Variants in SYNPR observed in about 807,000 individuals in gnomAD.
The protein encoded by SYNPR is synaptoporin.
In SYNPR, 23 loss-of-function variants were observed where a neutral mutation model predicts 32.9. The observed-to-expected ratio is 0.70, with a 90% CI of 0.50 to 0.99. SYNPR has a LOEUF of 0.99. SYNPR is among the 50% of genes least tolerant of loss of function. The pLI, the probability that SYNPR is intolerant of heterozygous loss-of-function variation, is 0.00. For missense variants in SYNPR, 318 were observed against 349.3 expected (o/e 0.91, Z 0.71); for synonymous variants, 146 against 135.9 (o/e 1.07, Z -0.52).
chr3:63,260,352 G>T (rs1352255165), intron 2 of SYNPR, among the ~76,000 whole-genome samples: 5 of 152,118 alleles, frequency 3.3e-5, no homozygotes, highest in Admixed American at 3.3e-4. Context: ...AAAACAGCAT[G>T]GTACTGGTAC....
intron 1 of SYNPR, among the ~76,000 whole-genome samples, chr3:63,234,914 T>C (rs548798556): frequency 2.0e-5 from 3 of 152,220 alleles, no homozygotes; most frequent in Non-Finnish European, 4.4e-5. Flanking sequence ...GGGATAAGTA[T>C]AGATTCATGT....
chr3:63,379,291 G>A (rs1181313744), intron 2 of SYNPR, among the ~76,000 whole-genome samples: 1 of 152,058 alleles, frequency 6.6e-6, no homozygotes, highest in Non-Finnish European at 1.5e-5. Flanking sequence ...TATGTATTCT[G>A]CTGTCGTTTG....
intron 3 of SYNPR, among the ~76,000 whole-genome samples, chr3:63,501,746 C>T (rs1222092446): frequency 2.6e-5 from 4 of 152,054 alleles, no homozygotes; most frequent in African/African-American, 7.2e-5. Flanking sequence ...TCATAATTGA[C>T]TACATTGTTA....
At chr3:63,239,709 T>C (rs1023335967) in intron 1 of SYNPR, among the ~76,000 whole-genome samples, 6 of 151,792 alleles carry the variant, frequency 4.0e-5, no homozygotes, top group African/African-American at 1.2e-4. Flanking sequence ...AAATGTGTTA[T>C]GCCCCCAACC....
intron 3 of SYNPR, among the ~76,000 whole-genome samples, chr3:63,512,026 G>T (rs1272229301): frequency 1.3e-5 from 2 of 150,634 alleles, no homozygotes; most frequent in Non-Finnish European, 3.0e-5. Context: ...GAACATATCT[G>T]ATTACTGACA....
At chr3:63,341,226 T>C (rs1391022760) in intron 2 of SYNPR, among the ~76,000 whole-genome samples, 3 of 152,260 alleles carry the variant, frequency 2.0e-5, no homozygotes, top group African/African-American at 7.2e-5. Flanking sequence ...GCTCATTTAT[T>C]TTTTATTACT....
At chr3:63,347,585 T>C (rs1468943758) in intron 2 of SYNPR, among the ~76,000 whole-genome samples, 1 of 152,210 alleles carries the variant, frequency 6.6e-6, no homozygotes, top group Non-Finnish European at 1.5e-5. Flanking sequence ...ATTACCTGGA[T>C]AGTGTACATT....
intron 4 of SYNPR, among the ~76,000 whole-genome samples, chr3:63,563,270 T>G (rs901961816): frequency 5.9e-5 from 9 of 152,166 alleles, no homozygotes; most frequent in African/African-American, 2.2e-4. Flanking sequence ...GTTTCTTGAA[T>G]CCCACTCCAT....
chr3:63,595,750 T>G (rs1335575708), intron 4 of SYNPR, among the ~76,000 whole-genome samples: 2 of 45,132 alleles, frequency 4.4e-5, no homozygotes, highest in Admixed American at 3.3e-4. Flanking sequence ...TATATATATA[T>G]ATATATATAT....
intron 2 of SYNPR, among the ~76,000 whole-genome samples, chr3:63,299,187 T>A (rs1272852192): frequency 6.6e-6 from 1 of 152,072 alleles, no homozygotes; most frequent in Non-Finnish European, 1.5e-5. Flanking sequence ...TGGAAAGAAT[T>A]GGAGTTATCA....
chr3:63,241,844 A>G (rs574610456), intron 1 of SYNPR, among the ~76,000 whole-genome samples: 3 of 152,198 alleles, frequency 2.0e-5, no homozygotes, highest in African/African-American at 7.2e-5. Flanking sequence ...AAAGCATACC[A>G]AGAGAATCAA....
At chr3:63,567,079 T>A (rs1702802288) in intron 4 of SYNPR, among the ~76,000 whole-genome samples, 1 of 152,140 alleles carries the variant, frequency 6.6e-6, no homozygotes, top group South Asian at 2.1e-4. Flanking sequence ...TCTCTGAGCC[T>A]CCCAACTCAG....
intron 3 of SYNPR, among the ~76,000 whole-genome samples, chr3:63,529,011 C>G (rs1702065267): frequency 6.6e-6 from 1 of 152,356 alleles, no homozygotes; most frequent in African/African-American, 2.4e-5. Flanking sequence ...CTCCTGTTTA[C>G]AGCTATCCTC....
chr3:63,484,089 A>C (rs1224131936), intron 3 of SYNPR, among the ~76,000 whole-genome samples: 2 of 152,210 alleles, frequency 1.3e-5, no homozygotes, highest in African/African-American at 2.4e-5. Flanking sequence ...TAGATAACTC[A>C]CAAAGTAATA....
chr3:63,449,018 G>A (rs1016370421), intron 2 of SYNPR, among the ~76,000 whole-genome samples: 1 of 152,190 alleles, frequency 6.6e-6, no homozygotes, highest in Admixed American at 6.5e-5. Flanking sequence ...AGATTTTGTA[G>A]TGTGTGTGTC....
intron 2 of SYNPR, among the ~76,000 whole-genome samples, chr3:63,377,067 T>C (rs1028903456): frequency 2.0e-5 from 3 of 152,132 alleles, no homozygotes; most frequent in African/African-American, 4.8e-5. Flanking sequence ...GATGTAGCTA[T>C]GTATAAGTTG....
intron 4 of SYNPR, among the ~76,000 whole-genome samples, chr3:63,603,589 C>T (rs986312971): frequency 6.6e-6 from 1 of 152,126 alleles, no homozygotes; most frequent in African/African-American, 2.4e-5. Context: ...TTTTCTGCAT[C>T]TAATGAGATG....
intron 4 of SYNPR, among the ~76,000 whole-genome samples, chr3:63,601,888 G>A (rs1050080604): frequency 6.6e-6 from 1 of 152,168 alleles, no homozygotes; most frequent in African/African-American, 2.4e-5. Flanking sequence ...TCTGTTTTTA[G>A]CTCTTTGAGG....
At chr3:63,223,991 A>G (rs2086111503), upstream of SYNPR, among the ~76,000 whole-genome samples, 1 of 152,200 alleles carries the variant, frequency 6.6e-6, no homozygotes. Context: ...CAAAAAGTGA[A>G]TAAGATATAG....
Sources: allele counts gnomAD v4.1 joint callset (sites outside exome capture counted in the v4.1 genomes callset), GRCh38; gene constraint gnomAD v4.1.1; transcripts MANE v1.5; gene names NCBI Gene and HGNC (gene_info 2026-07-23, HGNC 2026-07-21).